Variants in JAKMIP3 observed in about 807,000 individuals in gnomAD.
The protein encoded by JAKMIP3 is Janus kinase and microtubule interacting protein 3.
In JAKMIP3, 58 loss-of-function variants were observed where a neutral mutation model predicts 118.5. The ratio of observed to expected loss-of-function variants is 0.49; its 90% CI spans 0.40 to 0.61. The LOEUF is 0.61. JAKMIP3 is among the 20% of genes least tolerant of loss of function. The pLI is 0.00. For missense variants in JAKMIP3, 950 were observed against 1,109.0 expected (o/e 0.86, Z 2.04); for synonymous variants, 486 against 451.2 (o/e 1.08, Z -0.98).
At chr10:132,040,078 G>A (rs556838118) in intron 1 of JAKMIP3, among the ~76,000 whole-genome samples, 1 of 152,226 alleles carries the variant, frequency 6.6e-6, no homozygotes, top group African/African-American at 2.4e-5. Flanking sequence ...TGTCCCCCAA[G>A]TTCACAGGTT....
At chr10:132,095,011 A>G (rs7080480) in intron 1 of JAKMIP3, among the ~76,000 whole-genome samples, 2,529 of 152,128 alleles carry the variant, frequency 0.017, 52 homozygotes, top group African/African-American at 0.057. Context: ...GGAAGTGGGG[A>G]AAAGCCAGCA....
At chr10:132,122,411 G>A (rs937365652) in intron 3 of JAKMIP3, among the ~76,000 whole-genome samples, 2 of 152,270 alleles carry the variant, frequency 1.3e-5, no homozygotes, top group African/African-American at 4.8e-5. Context: ...GGGTGCCAAC[G>A]GGAGGCTGTT....
chr10:132,048,841 C>T (rs2038014092), intron 1 of JAKMIP3, among the ~76,000 whole-genome samples: 2 of 151,978 alleles, frequency 1.3e-5, no homozygotes, highest in African/African-American at 2.4e-5. Context: ...AAGGCTTCAC[C>T]GTGTTAGCCA....
chr10:132,059,495 C>A (rs1030026745), intron 1 of JAKMIP3, among the ~76,000 whole-genome samples: 1 of 152,242 alleles, frequency 6.6e-6, no homozygotes, highest in Non-Finnish European at 1.5e-5. Flanking sequence ...ATGACCCAGC[C>A]GCCCTGTGCA....
At chr10:132,158,149 C>T (rs932560228) in intron 19 of JAKMIP3, among the ~76,000 whole-genome samples, 4 of 146,460 alleles carry the variant, frequency 2.7e-5, no homozygotes, top group African/African-American at 7.6e-5. Context: ...TCCACCCTAA[C>T]GTCACAGATA....
intron 1 of JAKMIP3, among the ~76,000 whole-genome samples, chr10:132,038,169 GC>G (rs1266279758): frequency 6.6e-6 from 1 of 152,138 alleles, no homozygotes; most frequent in African/African-American, 2.4e-5. Context: ...CATGATTCTG[GC>G]TTTTATTGTC....
chr10:132,133,237 G>A, intron 3 of JAKMIP3, 75 bp from the exon 4 acceptor site: 1 of 1,277,460 alleles, frequency 7.8e-7, no homozygotes, highest in Admixed American at 2.0e-5. Context: ...AGCCTGGCAG[G>A]GCTGCGCCCG....
chr10:132,154,279 G>A (rs1341770142), intron 19 of JAKMIP3, among the ~76,000 whole-genome samples: 1 of 152,202 alleles, frequency 6.6e-6, no homozygotes, highest in Non-Finnish European at 1.5e-5. Context: ...ACAGAAACAT[G>A]CCCGGATTCC....
chr10:132,122,038 T>C (rs954691395), intron 3 of JAKMIP3, among the ~76,000 whole-genome samples: 1 of 152,242 alleles, frequency 6.6e-6, no homozygotes, highest in African/African-American at 2.4e-5. Context: ...GGGTCTGTTT[T>C]GTTCACTACT....
At chr10:132,061,229 A>G (rs972098996), upstream of JAKMIP3, among the ~76,000 whole-genome samples, 2 of 32,096 alleles carry the variant, frequency 6.2e-5, no homozygotes, top group Non-Finnish European at 1.1e-4. Flanking sequence ...GCACACATAC[A>G]CCTGCCGTGA....
intron 1 of JAKMIP3, among the ~76,000 whole-genome samples, chr10:132,099,091 G>T (rs2044418060): frequency 6.6e-6 from 1 of 152,158 alleles, no homozygotes; most frequent in South Asian, 2.1e-4. Context: ...AAGGCTGCTC[G>T]GGTGTGGACA....
At chr10:132,142,881 T>C (rs1255856787) in intron 11 of JAKMIP3, among the ~76,000 whole-genome samples, 1 of 151,990 alleles carries the variant, frequency 6.6e-6, no homozygotes, top group African/African-American at 2.4e-5. Context: ...GAGATGCCAG[T>C]GTCTGGCAAT....
At chr10:132,171,191 G>A (rs1421971357) in intron 23 of JAKMIP3, among the ~76,000 whole-genome samples, 2 of 152,246 alleles carry the variant, frequency 1.3e-5, no homozygotes, top group Non-Finnish European at 2.9e-5. Context: ...CCTCTGAAGC[G>A]AGGCGGCTGT....
intron 23 of JAKMIP3, among the ~76,000 whole-genome samples, chr10:132,173,973 T>C (rs1413452381): frequency 1.4e-5 from 2 of 147,944 alleles, no homozygotes; most frequent in Non-Finnish European, 3.0e-5. Flanking sequence ...CTGTGGTGTG[T>C]CTCTGGTGGT....
rs1391404267 is a variant in JAKMIP3, at chr10:132,044,629, G to A, written c.-138+7891G>A. On this transcript the variant is annotated intron_variant, in intron 1 of 23. Transcript: ENST00000657785. This position sits in a 1 kb window ranked among gnomAD's most constrained non-coding sequence, Gnocchi z 5.3. ...GCGCGGGCTCTTCCTCAGGGCAGCA[G>A]GACGCCACCACATGCTGCGCTCAGG... 6.6e-6 allele frequency among the ~76,000 whole-genome samples: 1 copy of A among 152,116 alleles called. No homozygotes were observed. The highest frequency in any genetic ancestry group is 1.5e-5 in the Non-Finnish European group (1 of 68,030).
chr10:132,175,336 G>A (rs80123411), intron 23 of JAKMIP3, among the ~76,000 whole-genome samples: 4,543 of 152,212 alleles, frequency 0.03, 242 homozygotes, highest in African/African-American at 0.1. Flanking sequence ...GTCCACCCAA[G>A]AACATCCTTG....
chr10:132,165,028 C>T (rs2058751275), intron 21 of JAKMIP3, among the ~76,000 whole-genome samples: 2 of 151,836 alleles, frequency 1.3e-5, no homozygotes, highest in Non-Finnish European at 2.9e-5. Context: ...CTCTTGTGGC[C>T]TCAGTTTCCC....
rs1301434481 is a variant in JAKMIP3 at position 132,118,378 on chromosome 10, G to A, written c.633+804G>A. On this transcript the variant is annotated intron_variant, in intron 3 of 23. Coordinates refer to ENST00000684848, the MANE Select transcript of JAKMIP3 (RefSeq NM_001323087.2). The surrounding 1 kb of genome is among the most constrained non-coding windows in gnomAD (Gnocchi z 4.8). ...GAGAGGAGACTGTCCTGTGATTTTG[G>A]GGGAAATGGAGCTCTGTCTTAGAGG... 1.3e-5 allele frequency among the ~76,000 whole-genome samples: 2 copies of A among 152,188 alleles called. No individual in the cohort carries two copies. The highest frequency in any genetic ancestry group is 2.4e-5 in the African/African-American group (1 of 41,442).
chr10:132,087,343 A>G (rs1324230508), intron 1 of JAKMIP3, among the ~76,000 whole-genome samples: 1 of 149,008 alleles, frequency 6.7e-6, no homozygotes, highest in Non-Finnish European at 1.5e-5. Flanking sequence ...TGCCTAGGCG[A>G]TGATCTTTTG....
Sources: gnomAD v4.1 joint callset for allele counts (sites outside exome capture counted in the v4.1 genomes callset) on GRCh38, gnomAD v4.1.1 for gene constraint, Gnocchi (gnomAD v3.1) non-coding constraint, MANE v1.5 for transcripts, NCBI Gene and HGNC (gene_info 2026-07-23, HGNC 2026-07-21) for gene names.